HCRTR2: variants seen among roughly 807,000 people sequenced by gnomAD.
HCRTR2 encodes the protein hypocretin receptor 2, also known as orexin receptor type 2.
Under a neutral mutation model 49.0 loss-of-function variants are expected in HCRTR2, and 22 were observed. The ratio of observed to expected loss-of-function variants is 0.45; its 90% confidence interval spans 0.32 to 0.64. The LOEUF (loss-of-function observed/expected upper bound fraction) is 0.64, where lower values mean the gene tolerates loss of function less well. Among genes scored for constraint, HCRTR2 ranks in the 30% least tolerant of loss-of-function variants. The probability of loss-of-function intolerance (pLI) is 0.04; values close to 1 mark genes in which losing one functional copy is unlikely to be tolerated. For missense variants in HCRTR2, 491 were observed against 559.4 expected (o/e 0.88, Z 1.23); for synonymous variants, 236 against 205.3 (o/e 1.15, Z -1.28).
chr6:55,146,053 A>G (rs548508239), intron 1 of HCRTR2, among the ~76,000 whole-genome samples: 2 of 152,242 alleles, frequency 1.3e-5, no homozygotes, highest in East Asian at 3.9e-4. Context: ...TGATTTTCCA[A>G]CCTAAATTCC....
At chr6:55,249,752 A>G (rs1254350218) in intron 2 of HCRTR2, among the ~76,000 whole-genome samples, 1 of 152,072 alleles carries the variant, frequency 6.6e-6, no homozygotes, top group Non-Finnish European at 1.5e-5. Flanking sequence ...AATTTTTGAA[A>G]CAAAAGATTC....
intron 1 of HCRTR2, among the ~76,000 whole-genome samples, chr6:55,133,537 C>G (rs1764387808): frequency 6.6e-6 from 1 of 151,828 alleles, no homozygotes; most frequent in Non-Finnish European, 1.5e-5. Context: ...TCAGGAATAA[C>G]TTATTGATGA....
At chr6:55,208,953 A>G (rs1765652019) in intron 1 of HCRTR2, among the ~76,000 whole-genome samples, 1 of 152,230 alleles carries the variant, frequency 6.6e-6, no homozygotes, top group Non-Finnish European at 1.5e-5. Context: ...GAAAGGAGGT[A>G]TGAAGTACTG....
intron 4 of HCRTR2, among the ~76,000 whole-genome samples, chr6:55,270,611 G>A (rs1263450948): frequency 6.6e-6 from 1 of 152,164 alleles, no homozygotes; most frequent in Non-Finnish European, 1.5e-5. Context: ...GACAGGTCGT[G>A]TCAAAAGTCA....
chr6:55,154,947 C>A (rs1323919499), intron 1 of HCRTR2, among the ~76,000 whole-genome samples: 1 of 151,648 alleles, frequency 6.6e-6, no homozygotes, highest in Non-Finnish European at 1.5e-5. Flanking sequence ...CAAACTATTT[C>A]ATAAGGAAAT....
intron 4 of HCRTR2, among the ~76,000 whole-genome samples, chr6:55,273,019 A>G (rs1190490937): frequency 6.6e-6 from 1 of 152,060 alleles, no homozygotes; most frequent in East Asian, 1.9e-4. Flanking sequence ...AGCTATTCAT[A>G]GTGAGAATGA....
At chr6:55,129,092 C>T (rs2127244610) in intron 1 of HCRTR2, among the ~76,000 whole-genome samples, 1 of 152,192 alleles carries the variant, frequency 6.6e-6, no homozygotes, top group South Asian at 2.1e-4. Context: ...AACCCAAGTT[C>T]CCTAGAAAAC....
chr6:55,158,365 C>T (rs1764758998), intron 1 of HCRTR2, among the ~76,000 whole-genome samples: 4 of 152,152 alleles, frequency 2.6e-5, no homozygotes, highest in African/African-American at 7.2e-5. Context: ...GTTTCAAGTA[C>T]AAAACTGGGT....
At chr6:55,183,593 A>T (rs1765168884) in intron 1 of HCRTR2, among the ~76,000 whole-genome samples, 1 of 152,206 alleles carries the variant, frequency 6.6e-6, no homozygotes, top group Admixed American at 6.5e-5. Flanking sequence ...TGCATTTTCC[A>T]TGAGAGCATT....
intron 1 of HCRTR2, among the ~76,000 whole-genome samples, chr6:55,133,976 T>G (rs1764398546): frequency 6.6e-6 from 1 of 152,032 alleles, no homozygotes; most frequent in African/African-American, 2.4e-5. Flanking sequence ...AGTTAACTGG[T>G]CAAATGTCAC....
At chr6:55,135,349 C>G (rs1764419159) in intron 1 of HCRTR2, among the ~76,000 whole-genome samples, 2 of 151,986 alleles carry the variant, frequency 1.3e-5, no homozygotes, top group East Asian at 3.9e-4. Context: ...ATGTGGTCTC[C>G]CATGAAAAGA....
At chr6:55,213,730 G>A (rs199619951) in intron 1 of HCRTR2, among the ~76,000 whole-genome samples, 1 of 152,094 alleles carries the variant, frequency 6.6e-6, no homozygotes, top group East Asian at 1.9e-4. Flanking sequence ...GATGGGGATG[G>A]GGTGTGGGCT....
At chr6:55,208,978 A>G (rs986094128) in intron 1 of HCRTR2, among the ~76,000 whole-genome samples, 4 of 152,168 alleles carry the variant, frequency 2.6e-5, no homozygotes, top group African/African-American at 4.8e-5. Context: ...ATATTTACAA[A>G]ATGAAGACTA....
At chr6:55,163,118 C>T (rs895420249) in intron 1 of HCRTR2, among the ~76,000 whole-genome samples, 4 of 151,948 alleles carry the variant, frequency 2.6e-5, no homozygotes, top group Admixed American at 2.0e-4. Context: ...CGCCTGTAGT[C>T]CCAGCTACTT....
chr6:55,124,941 T>G (rs1581784481), intron 1 of HCRTR2, among the ~76,000 whole-genome samples: 1 of 152,164 alleles, frequency 6.6e-6, no homozygotes, highest in Non-Finnish European at 1.5e-5. Context: ...TGCTTTTTTT[T>G]TTTTTTCACT....
intron 4 of HCRTR2, among the ~76,000 whole-genome samples, chr6:55,274,096 A>G (rs1052420784): frequency 4.0e-5 from 6 of 151,384 alleles, no homozygotes; most frequent in African/African-American, 1.5e-4. Context: ...GTGGTATTGA[A>G]CGTGATTAAT....
intron 1 of HCRTR2, among the ~76,000 whole-genome samples, chr6:55,233,468 G>A: frequency 6.6e-6 from 1 of 151,802 alleles, no homozygotes; most frequent in East Asian, 1.9e-4. Flanking sequence ...AGGCAAGAAG[G>A]AAATTGAGCC....
chr6:55,268,556 T>TA (rs1271150992), intron 4 of HCRTR2, among the ~76,000 whole-genome samples: 2 of 151,870 alleles, frequency 1.3e-5, no homozygotes, highest in Non-Finnish European at 2.9e-5. Flanking sequence ...AAAAAGGGAG[T>TA]TAATGTGGTT....
chr6:55,127,050 T>C (rs550501755), intron 1 of HCRTR2, among the ~76,000 whole-genome samples: 1 of 152,226 alleles, frequency 6.6e-6, no homozygotes, highest in South Asian at 2.1e-4. Flanking sequence ...GCTGCCTGGC[T>C]TCAGTACCCC....
Sources: gnomAD v4.1 joint callset for allele counts (sites outside exome capture counted in the v4.1 genomes callset) on GRCh38, gnomAD v4.1.1 for gene constraint, MANE v1.5 for transcripts, NCBI Gene and HGNC (gene_info 2026-07-23, HGNC 2026-07-21) for gene names.